Variants in SIPA1L2 observed in about 807,000 individuals in gnomAD.
SIPA1L2 encodes the protein signal induced proliferation associated 1 like 2, also known as signal-induced proliferation-associated 1-like protein 2.
Under a neutral mutation model 163.9 loss-of-function variants are expected in SIPA1L2, and 56 were observed. That is an observed-to-expected ratio of 0.34 (90% CI 0.28 to 0.43). The LOEUF (loss-of-function observed/expected upper bound fraction) is 0.43, where lower values mean the gene tolerates loss of function less well. Ranked by LOEUF, SIPA1L2 falls within the 20% of genes least tolerant of loss-of-function variation. SIPA1L2 has a pLI of 1.00. For missense variants in SIPA1L2, 1,974 were observed against 2,193.5 expected (o/e 0.90, Z 2.00); for synonymous variants, 877 against 865.7 (o/e 1.01, Z -0.23).
chr1:232,504,224 A>C (rs773983301), intron 3 of SIPA1L2, among the ~76,000 whole-genome samples: 1 of 151,410 alleles, frequency 6.6e-6, no homozygotes, highest in African/African-American at 2.4e-5. Flanking sequence ...AACAACAACA[A>C]CAACAACAAA....
At chr1:232,596,906 C>G (rs776377074) in intron 1 of SIPA1L2, among the ~76,000 whole-genome samples, 1 of 152,138 alleles carries the variant, frequency 6.6e-6, no homozygotes, top group African/African-American at 2.4e-5. Flanking sequence ...AGGACCAGGC[C>G]ACCGTGCAGG....
Position 232,460,893 on chromosome 1 carries a change from G to T in SIPA1L2, c.3089C>A (p.Pro1030His). 1 of 1,612,834 alleles carries T rather than the reference G, an allele frequency of 6.2e-7. No individual in the cohort carries two copies. The highest frequency in any genetic ancestry group is 8.5e-7 in the Non-Finnish European group (1 of 1,178,972). ...VIIQPHDDGS[P>H]RRGCSELCRI... ...TGGGCCTCCCACGCCTTACCTTCGG[G>T]GCGAGCCGTCATCATGGGGCTGGAT... The change falls in exon 10 of 23, where the codon CCC becomes CAC. Residue 1030 changes from proline (P) to histidine (H), a missense_variant. Coordinates refer to ENST00000674635, the MANE Select transcript of SIPA1L2 (RefSeq NM_020808.5).
rs561781788 is a variant in SIPA1L2, at chr1:232,590,084, C to T, written c.-318-15862G>A. On this transcript the variant is annotated intron_variant, in intron 1 of 22. Coordinates refer to ENST00000674635, the MANE Select transcript of SIPA1L2 (RefSeq NM_020808.5). ...CTGGAGTGTGCCTGCAATCCAGCAA[C>T]GCAATCCGGGAATTCCATCTCTCCT... Among the ~76,000 whole-genome samples the T allele has an allele frequency of 1.4e-4, 22 of 152,248 alleles. No homozygotes were observed. The East Asian group carries it at 1.7e-3, about 12-fold the overall frequency.
chr1:232,422,728 A>G (rs1293795310), intron 18 of SIPA1L2, among the ~76,000 whole-genome samples: 7 of 152,234 alleles, frequency 4.6e-5, no homozygotes, highest in African/African-American at 9.6e-5. Flanking sequence ...AAGTGAAGCT[A>G]TATCTCTCTG....
chr1:232,463,031 G>A (rs1435585833), intron 9 of SIPA1L2, among the ~76,000 whole-genome samples: 2 of 152,172 alleles, frequency 1.3e-5, no homozygotes, highest in African/African-American at 2.4e-5. Flanking sequence ...GACTGGCTAT[G>A]TAATTTGTGG....
intron 2 of SIPA1L2, among the ~76,000 whole-genome samples, chr1:232,548,987 A>G (rs1165199386): frequency 6.6e-6 from 1 of 152,254 alleles, no homozygotes; most frequent in Non-Finnish European, 1.5e-5. Flanking sequence ...GTGTATAGCC[A>G]GAGGCTTGAA....
intron 22 of SIPA1L2, among the ~76,000 whole-genome samples, chr1:232,400,363 A>T (rs766017487): frequency 1.1e-4 from 16 of 152,068 alleles, no homozygotes; most frequent in Non-Finnish European, 1.9e-4. Context: ...TTTTATTGTG[A>T]TCCATGAACT....
intron 3 of SIPA1L2, among the ~76,000 whole-genome samples, chr1:232,511,375 AG>A (rs1666972984): frequency 6.6e-6 from 1 of 152,226 alleles, no homozygotes; most frequent in African/African-American, 2.4e-5. Flanking sequence ...GAGGACAGAG[AG>A]ACAATTCACA....
At chr1:232,630,187 C>G (rs1663318461), upstream of SIPA1L2, among the ~76,000 whole-genome samples, 1 of 151,640 alleles carries the variant, frequency 6.6e-6, no homozygotes, top group Non-Finnish European at 1.5e-5. Context: ...CCGCCCCCCG[C>G]CCGCTCTGCG....
At chr1:232,449,434 C>G (rs1011047883) in intron 10 of SIPA1L2, among the ~76,000 whole-genome samples, 1 of 150,016 alleles carries the variant, frequency 6.7e-6, no homozygotes, top group Non-Finnish European at 1.5e-5. Flanking sequence ...AGGAGAATGG[C>G]GTGAACCCAA....
chr1:232,541,962 G>C (rs1288142663), intron 2 of SIPA1L2, among the ~76,000 whole-genome samples: 1 of 110,760 alleles, frequency 9.0e-6, no homozygotes, highest in Non-Finnish European at 1.9e-5. Context: ...TCTCTGTATA[G>C]TTTTAAAAAT....
intron 15 of SIPA1L2, among the ~76,000 whole-genome samples, chr1:232,434,593 C>A (rs1182929840): frequency 2.0e-5 from 3 of 152,140 alleles, no homozygotes; most frequent in Non-Finnish European, 4.4e-5. Context: ...AAGCAATCAA[C>A]AGGCATGAAT....
chr1:232,450,472 A>T (rs563117962), intron 10 of SIPA1L2, among the ~76,000 whole-genome samples: 69 of 152,342 alleles, frequency 4.5e-4, no homozygotes, highest in African/African-American at 1.6e-3. Flanking sequence ...TCTTCCACTC[A>T]AATCGATGCT....
At chr1:232,566,236 C>T (rs954758755) in intron 2 of SIPA1L2, among the ~76,000 whole-genome samples, 6 of 152,326 alleles carry the variant, frequency 3.9e-5, no homozygotes, top group African/African-American at 1.4e-4. Context: ...ACACATTGCT[C>T]ATTACCTCAG....
At chr1:232,604,410 A>C (rs893310679) in intron 1 of SIPA1L2, among the ~76,000 whole-genome samples, 1 of 152,228 alleles carries the variant, frequency 6.6e-6, no homozygotes. Flanking sequence ...TCAATAACGC[A>C]GAAAAGTAAC....
intron 3 of SIPA1L2, among the ~76,000 whole-genome samples, chr1:232,512,330 G>A (rs915450265): frequency 6.6e-6 from 1 of 152,120 alleles, no homozygotes; most frequent in African/African-American, 2.4e-5. Context: ...CAAGGATCTA[G>A]AACCAGAAAT....
At chr1:232,589,828 TTGAGG>T (rs1660871176) in intron 1 of SIPA1L2, among the ~76,000 whole-genome samples, 1 of 152,204 alleles carries the variant, frequency 6.6e-6, no homozygotes, top group African/African-American at 2.4e-5. Context: ...AATGGCATGC[TTGAGG>T]TATAAGAACT....
At chr1:232,505,492 C>T (rs990851250) in intron 3 of SIPA1L2, among the ~76,000 whole-genome samples, 1 of 152,210 alleles carries the variant, frequency 6.6e-6, no homozygotes, top group African/African-American at 2.4e-5. Context: ...ATTCGTTCTT[C>T]TTCCCCAGTA....
chr1:232,457,443 T>C (rs1167387116), intron 10 of SIPA1L2, among the ~76,000 whole-genome samples: 1 of 152,206 alleles, frequency 6.6e-6, no homozygotes, highest in East Asian at 1.9e-4. Context: ...TGTTAAAAAC[T>C]ACTGTAAAAA....
Sources: gnomAD v4.1 joint callset for allele counts (sites outside exome capture counted in the v4.1 genomes callset) on GRCh38, gnomAD v4.1.1 for gene constraint, MANE v1.5 for transcripts, NCBI Gene and HGNC (gene_info 2026-07-23, HGNC 2026-07-21) for gene names.